SNTG1: variants seen among roughly 807,000 people sequenced by gnomAD.
The protein encoded by SNTG1 is gamma-1-syntrophin.
Under a neutral mutation model 74.7 loss-of-function variants are expected in SNTG1, and 39 were observed. That is an observed-to-expected ratio of 0.52 (90% confidence interval 0.40 to 0.68). SNTG1 has a LOEUF of 0.68. Among genes scored for constraint, SNTG1 ranks in the 30% least tolerant of loss-of-function variants. The probability of loss-of-function intolerance (pLI) is 0.00; values close to 1 mark genes in which losing one functional copy is unlikely to be tolerated. For synonymous variants in SNTG1, 254 were observed against 217.1 expected (o/e 1.17, Z -1.49); for missense variants, 685 against 609.5 (o/e 1.12, Z -1.30).
At chr8:49,963,040 C>T (rs931615004) in intron 1 of SNTG1, among the ~76,000 whole-genome samples, 2 of 152,156 alleles carry the variant, frequency 1.3e-5, no homozygotes, top group Non-Finnish European at 1.5e-5. Flanking sequence ...AAGAAGTGAC[C>T]GTCTCCTTGC....
intron 13 of SNTG1, among the ~76,000 whole-genome samples, chr8:50,619,604 G>A (rs894840687): frequency 7.9e-5 from 12 of 151,914 alleles, no homozygotes; most frequent in African/African-American, 2.7e-4. Flanking sequence ...GGTGGCGGGC[G>A]CCTGTAGTCC....
chr8:50,604,050 T>C (rs1335436673), intron 13 of SNTG1, among the ~76,000 whole-genome samples: 1 of 152,180 alleles, frequency 6.6e-6, no homozygotes. Flanking sequence ...TGTCTTGTAC[T>C]TCAGGGCAGT....
chr8:50,526,211 G>A (rs2094218095), intron 9 of SNTG1, among the ~76,000 whole-genome samples: 1 of 152,138 alleles, frequency 6.6e-6, no homozygotes, highest in African/African-American at 2.4e-5. Flanking sequence ...TCCAGAGTAT[G>A]CTATGTCTAT....
Position 50,792,706 on chromosome 8 carries a change from C to T in SNTG1, c.1431C>T (p.His477=), listed in dbSNP as rs754473528. ...TTTCTAATTTATTTGCTGTTCTTCA[C>T]TGCATTCATTCCTTCTTTGCTGCCA... ...LEFSNLFAVL[H]CIHSFFAAKV... The change falls in exon 19 of 19, where the codon CAC becomes CAT. Residue 477 remains histidine (H), a synonymous_variant. Transcript: ENST00000642720. The T allele has an allele frequency of 5.6e-6, 9 of 1,611,774 alleles. No homozygotes were observed. The East Asian group carries it at 1.8e-4, about 32-fold the overall frequency.
At chr8:50,217,301 T>C (rs1223859944) in intron 2 of SNTG1, among the ~76,000 whole-genome samples, 1 of 152,040 alleles carries the variant, frequency 6.6e-6, no homozygotes, top group African/African-American at 2.4e-5. Context: ...TGGCCTATGA[T>C]GAAAGAAGTA....
At chr8:50,622,434 T>C (rs1027072928) in intron 13 of SNTG1, among the ~76,000 whole-genome samples, 1 of 152,176 alleles carries the variant, frequency 6.6e-6, no homozygotes, top group Non-Finnish European at 1.5e-5. Context: ...TTAATTGTTA[T>C]AGAAAACTTA....
chr8:50,381,836 T>TATTATATATATATATTATA (rs1251572214), intron 2 of SNTG1: 6 of 98,938 alleles, frequency 6.1e-5, no homozygotes, highest in African/African-American at 2.1e-4. Context: ...TATATATATA[T>TATTATATATATATATTATA]TATATATATA....
intron 2 of SNTG1, among the ~76,000 whole-genome samples, chr8:50,196,229 A>G (rs1412188879): frequency 6.6e-6 from 1 of 152,168 alleles, no homozygotes; most frequent in Non-Finnish European, 1.5e-5. Context: ...AAGCACTTAA[A>G]TAATTGTCAG....
intron 9 of SNTG1, among the ~76,000 whole-genome samples, chr8:50,523,674 A>G (rs1015494391): frequency 3.3e-5 from 5 of 152,312 alleles, no homozygotes; most frequent in Admixed American, 6.5e-5. Flanking sequence ...AGTAGCATCA[A>G]TGATGACTGA....
intron 13 of SNTG1, among the ~76,000 whole-genome samples, chr8:50,633,600 C>G (rs1423773525): frequency 6.6e-6 from 1 of 152,132 alleles, no homozygotes; most frequent in East Asian, 1.9e-4. Context: ...CTACCTTGAC[C>G]CCAGCTTCCT....
At chr8:50,630,471 A>G (rs766117000) in intron 13 of SNTG1, among the ~76,000 whole-genome samples, 4 of 152,170 alleles carry the variant, frequency 2.6e-5, no homozygotes, top group Non-Finnish European at 5.9e-5. Context: ...TACTGGCCAA[A>G]TGTCCTCAGT....
At chr8:49,963,442 C>CT (rs1054268093) in intron 1 of SNTG1, among the ~76,000 whole-genome samples, 2 of 152,038 alleles carry the variant, frequency 1.3e-5, no homozygotes, top group African/African-American at 4.8e-5. Flanking sequence ...ATTTTATTTT[C>CT]TTTTTTGAGT....
At chr8:50,339,121 A>C (rs1265830097) in intron 2 of SNTG1, among the ~76,000 whole-genome samples, 1 of 152,110 alleles carries the variant, frequency 6.6e-6, no homozygotes, top group Non-Finnish European at 1.5e-5. Flanking sequence ...CCATGCAAAG[A>C]AGAAACAAGT....
intron 1 of SNTG1, among the ~76,000 whole-genome samples, chr8:49,976,257 GT>G (rs905479345): frequency 3.9e-5 from 6 of 152,108 alleles, no homozygotes; most frequent in South Asian, 2.1e-4. Context: ...AGGAAAATAA[GT>G]TTTTTTTGTT....
intron 1 of SNTG1, among the ~76,000 whole-genome samples, chr8:49,938,557 G>GTTTTGTTTTCTTTTC (rs1808307329): frequency 3.9e-5 from 5 of 127,226 alleles, no homozygotes; most frequent in African/African-American, 1.6e-4. Flanking sequence ...CTTTTCTTTT[G>GTTTTGTTTTCTTTTC]TTTTCTTTTC....
At chr8:50,057,301 A>G in intron 1 of SNTG1, among the ~76,000 whole-genome samples, 1 of 152,108 alleles carries the variant, frequency 6.6e-6, no homozygotes, top group East Asian at 1.9e-4. Flanking sequence ...TTAAGCTCAC[A>G]GGTGGAAGCC....
intron 10 of SNTG1, among the ~76,000 whole-genome samples, chr8:50,533,504 T>C (rs189984354): frequency 4.8e-4 from 73 of 152,306 alleles, no homozygotes; most frequent in African/African-American, 1.5e-3. Context: ...AAAATAGTCA[T>C]GGTTCTCAAA....
intron 15 of SNTG1, among the ~76,000 whole-genome samples, chr8:50,670,934 C>G (rs1337736643): frequency 1.3e-5 from 2 of 150,836 alleles, no homozygotes; most frequent in South Asian, 2.1e-4. Flanking sequence ...GAAAAACAAG[C>G]AATGGGGAAA....
At chr8:50,199,160 T>A (rs1358580124) in intron 2 of SNTG1, among the ~76,000 whole-genome samples, 1 of 152,096 alleles carries the variant, frequency 6.6e-6, no homozygotes, top group African/African-American at 2.4e-5. Context: ...AAATCACAGT[T>A]TCTTGTGATT....
Sources: allele counts gnomAD v4.1 joint callset (sites outside exome capture counted in the v4.1 genomes callset), GRCh38; gene constraint gnomAD v4.1.1; transcripts MANE v1.5; gene names NCBI Gene and HGNC (gene_info 2026-07-23, HGNC 2026-07-21).